SLC39A11: variants seen among roughly 807,000 people sequenced by gnomAD.
SLC39A11 encodes the protein zinc transporter ZIP11.
SLC39A11 carries 33 observed loss-of-function variants against 36.1 expected under a neutral mutation model. The observed-to-expected ratio is 0.91, with a 90% CI of 0.69 to 1.22. The LOEUF (loss-of-function observed/expected upper bound fraction) is 1.22. Ranked by LOEUF, SLC39A11 falls within the 50% of genes most tolerant of loss-of-function variation. The pLI is 0.00. For missense variants in SLC39A11, 432 were observed against 430.3 expected (o/e 1.00, Z -0.03); for synonymous variants, 166 against 170.3 (o/e 0.97, Z 0.20).
At chr17:72,743,194 G>GC (rs1328228583) in intron 6 of SLC39A11, among the ~76,000 whole-genome samples, 2 of 152,074 alleles carry the variant, frequency 1.3e-5, no homozygotes, top group Admixed American at 1.3e-4. Flanking sequence ...TGACCCAGCT[G>GC]GGGGGGCTAG....
intron 5 of SLC39A11, among the ~76,000 whole-genome samples, chr17:72,915,604 C>T (rs530128980): frequency 1.8e-4 from 28 of 152,326 alleles, no homozygotes; most frequent in African/African-American, 5.1e-4. Context: ...CAATCCCAAC[C>T]GTGCTGGCCT....
At position 72,976,241 on chromosome 17, in the gene SLC39A11, A is replaced by T. The variant is rs115473553; in HGVS notation, c.307-28366T>A. Reference sequence around the variant, plus strand: ...TATGAAAATTAATATTTGAATTTTTAAATTATTATTATTATTTTAACCTCT... The same window carrying T: ...TATGAAAATTAATATTTGAATTTTTTAATTATTATTATTATTTTAACCTCT... On this transcript the variant is annotated intron_variant, in intron 4 of 9. Coordinates refer to ENST00000255559, the MANE Select transcript of SLC39A11 (RefSeq NM_139177.4). 3.7e-3 allele frequency among the ~76,000 whole-genome samples: 557 copies of T among 151,560 alleles called. 7 individuals are homozygous for T. Among genetic ancestry groups the T allele is most frequent in the African/African-American group, 0.012 (501 of 41,314 alleles).
chr17:73,068,055 A>C lies in SLC39A11; in HGVS notation c.147+16753T>G. On this transcript the variant is annotated intron_variant, in intron 3 of 9. Transcript: ENST00000255559. ...AAGTCAATGAGTCCTTGGATGGTTC[A>C]TGTTCGCTCTACTGCCCACTTCTTT... The C allele has an allele frequency of 3.8e-6, 6 of 1,560,822 alleles. No homozygotes were observed. In the South Asian group the frequency reaches 4.4e-5, roughly 12 times the overall value.
chr17:72,912,093 G>C (rs945367554), intron 5 of SLC39A11, among the ~76,000 whole-genome samples: 1 of 152,192 alleles, frequency 6.6e-6, no homozygotes, highest in Non-Finnish European at 1.5e-5. Flanking sequence ...CAAGGAGCGT[G>C]CCAACACCAA....
At chr17:72,984,304 G>A (rs12951077) in intron 4 of SLC39A11, among the ~76,000 whole-genome samples, 78,434 of 151,266 alleles carry the variant, frequency 0.52, 21,248 homozygotes, top group Middle Eastern at 0.69. Flanking sequence ...GTAGCCATGA[G>A]ACCTGAAGGG....
At chr17:72,923,159 T>C (rs2083799650) in intron 5 of SLC39A11, among the ~76,000 whole-genome samples, 1 of 151,894 alleles carries the variant, frequency 6.6e-6, no homozygotes, top group Non-Finnish European at 1.5e-5. Context: ...TACTCAATCC[T>C]CCCCTTTGCT....
intron 7 of SLC39A11, among the ~76,000 whole-genome samples, chr17:72,729,418 T>TATATATATATATATATA (rs2074074358): frequency 3.3e-4 from 1 of 3,058 alleles, no homozygotes; most frequent in Non-Finnish European, 7.0e-4. Flanking sequence ...TATATATATA[T>TATATATATATATATATA]ATATATATAT....
intron 7 of SLC39A11, among the ~76,000 whole-genome samples, chr17:72,674,099 T>C (rs970908759): frequency 1.3e-5 from 2 of 152,024 alleles, no homozygotes; most frequent in African/African-American, 4.8e-5. Flanking sequence ...GGTAGACTTG[T>C]ATAGACAACT....
chr17:73,068,415 C>G, intron 3 of SLC39A11: 1 of 421,230 alleles, frequency 2.4e-6, no homozygotes, highest in Non-Finnish European at 4.2e-6. Flanking sequence ...GAAACATCAC[C>G]ACCAGTACAA....
chr17:72,709,989 T>C (rs974526085), intron 7 of SLC39A11, among the ~76,000 whole-genome samples: 1 of 152,236 alleles, frequency 6.6e-6, no homozygotes, highest in Admixed American at 6.5e-5. Flanking sequence ...TAATTTTGAT[T>C]GTTGCTCCTG....
intron 5 of SLC39A11, among the ~76,000 whole-genome samples, chr17:72,850,993 T>A (rs1216459238): frequency 1.3e-5 from 2 of 152,058 alleles, no homozygotes; most frequent in Non-Finnish European, 2.9e-5. Flanking sequence ...AATCACGTGA[T>A]GCGCGAGCAG....
At position 72,663,382 on chromosome 17, in the gene SLC39A11, G is replaced by A. The variant is rs531857877; in HGVS notation, c.672-14114C>T. On this transcript the variant is annotated intron_variant, in intron 7 of 9. Coordinates refer to ENST00000255559, the MANE Select transcript of SLC39A11 (RefSeq NM_139177.4). ...TGTATGTTCAGAAAAGAGCAGATCCGCCTGCGTTGTACAGGATAACGTTTC... is the reference window on the plus strand; with the variant it reads ...TGTATGTTCAGAAAAGAGCAGATCCACCTGCGTTGTACAGGATAACGTTTC... 3.9e-5 allele frequency among the ~76,000 whole-genome samples: 6 copies of A among 152,226 alleles called. No homozygotes were observed. In the East Asian group the frequency reaches 5.8e-4, roughly 15 times the overall value.
intron 6 of SLC39A11, among the ~76,000 whole-genome samples, chr17:72,749,221 G>C (rs2075056906): frequency 6.6e-6 from 1 of 152,106 alleles, no homozygotes; most frequent in Non-Finnish European, 1.5e-5. Context: ...GAGTGGGGAG[G>C]GCTGCTATCT....
intron 5 of SLC39A11, among the ~76,000 whole-genome samples, chr17:72,909,870 C>T (rs549945404): frequency 2.0e-5 from 3 of 151,824 alleles, no homozygotes; most frequent in South Asian, 4.2e-4. Flanking sequence ...TTCAGCCTCC[C>T]GAGTAGCTGG....
chr17:72,739,661 G>A (rs898105880), intron 6 of SLC39A11, among the ~76,000 whole-genome samples: 5 of 152,116 alleles, frequency 3.3e-5, no homozygotes, highest in Admixed American at 6.5e-5. Flanking sequence ...GCGTGCACGT[G>A]CACACCTTAG....
intron 7 of SLC39A11, among the ~76,000 whole-genome samples, chr17:72,723,986 T>C (rs1354191408): frequency 6.6e-6 from 1 of 152,202 alleles, no homozygotes; most frequent in Non-Finnish European, 1.5e-5. Context: ...CAAGGAGTAG[T>C]TCTTCTTCCC....
intron 6 of SLC39A11, among the ~76,000 whole-genome samples, chr17:72,787,527 G>A (rs954325972): frequency 1.2e-4 from 18 of 151,600 alleles, no homozygotes; most frequent in Non-Finnish European, 1.5e-5. Context: ...AAAGTGCTGG[G>A]ATTACAGGCG....
intron 4 of SLC39A11, among the ~76,000 whole-genome samples, chr17:72,972,620 A>T (rs549677645): frequency 6.6e-6 from 1 of 152,218 alleles, no homozygotes; most frequent in East Asian, 1.9e-4. Flanking sequence ...CAACCCTCCG[A>T]GAAGCTTACA....
chr17:73,076,469 T>C (rs1227717025), intron 3 of SLC39A11, among the ~76,000 whole-genome samples: 1 of 152,248 alleles, frequency 6.6e-6, no homozygotes, highest in Non-Finnish European at 1.5e-5. Flanking sequence ...ATATTACAGA[T>C]GTATTGCAAT....
Sources: allele counts gnomAD v4.1 joint callset (sites outside exome capture counted in the v4.1 genomes callset), GRCh38; gene constraint gnomAD v4.1.1; transcripts MANE v1.5; gene names NCBI Gene and HGNC (gene_info 2026-07-23, HGNC 2026-07-21).